Variants in TLN2 observed in about 807,000 individuals in gnomAD.
TLN2 encodes talin-2.
Under a neutral mutation model 294.7 loss-of-function variants are expected in TLN2, and 118 were observed. That is an observed-to-expected ratio of 0.40 (90% CI 0.34 to 0.47). TLN2 has a LOEUF of 0.47. Among genes scored for constraint, TLN2 ranks in the 20% least tolerant of loss-of-function variants. The pLI is 0.84. For synonymous variants in TLN2, 1,431 were observed against 1,304.5 expected (o/e 1.10, Z -2.09); for missense variants, 3,083 against 3,282.2 (o/e 0.94, Z 1.48).
At chr15:62,812,431 G>C (rs1041279588) in intron 52 of TLN2, among the ~76,000 whole-genome samples, 6 of 152,144 alleles carry the variant, frequency 3.9e-5, no homozygotes, top group African/African-American at 1.4e-4. Flanking sequence ...TCACTGTGTG[G>C]GGTCTGCCTG....
At chr15:62,413,574 T>C (rs534436779) in intron 1 of TLN2, among the ~76,000 whole-genome samples, 28 of 152,348 alleles carry the variant, frequency 1.8e-4, no homozygotes, top group Non-Finnish European at 4.1e-4. Context: ...GGAAAACCTC[T>C]GCACTGTAAG....
chr15:62,770,970 C>G lies in TLN2; in HGVS notation c.5203C>G (p.Gln1735Glu). 1 of 1,568,954 alleles carries G rather than the reference C, an allele frequency of 6.4e-7. No homozygotes were observed. The highest frequency in any genetic ancestry group is 8.6e-7 in the Non-Finnish European group (1 of 1,163,810). The change falls in exon 42 of 59, where the codon CAA (glutamine) becomes GAA (glutamate). Residue 1735 changes from glutamine (Q) to glutamate (E), a missense_variant. Transcript: ENST00000636159. The stretch of plus-strand genomic sequence containing the variant: ...TTTTTTTTTTTTTTGAAAGGTGACA[C>G]AACTGGCAAGCTATTTTGAGCCCTT... ...EAAQLGHKVT[Q>E]LASYFEPLIL...
chr15:62,693,789 A>G (rs2058103344), intron 13 of TLN2, among the ~76,000 whole-genome samples: 1 of 152,100 alleles, frequency 6.6e-6, no homozygotes, highest in Non-Finnish European at 1.5e-5. Flanking sequence ...ACATCTAACT[A>G]TATATTAAAT....
chr15:62,638,345 T>A, intron 3 of TLN2: 1 of 358,386 alleles, frequency 2.8e-6, no homozygotes, highest in Non-Finnish European at 5.5e-6. Flanking sequence ...ATGACAGTGA[T>A]AGGCAGCAAA....
chr15:62,694,716 C>T (rs529476368), intron 14 of TLN2, among the ~76,000 whole-genome samples: 1 of 152,094 alleles, frequency 6.6e-6, no homozygotes, highest in Non-Finnish European at 1.5e-5. Flanking sequence ...TGAGCCGTAC[C>T]GTCAGGAGGT....
At chr15:62,458,673 G>A (rs1262122511) in intron 1 of TLN2, among the ~76,000 whole-genome samples, 3 of 151,642 alleles carry the variant, frequency 2.0e-5, no homozygotes, top group African/African-American at 7.3e-5. Flanking sequence ...GGAGGCTGAG[G>A]TGGGAGGGTC....
At chr15:62,496,913 C>G (rs1481202838) in intron 1 of TLN2, among the ~76,000 whole-genome samples, 1 of 152,086 alleles carries the variant, frequency 6.6e-6, no homozygotes. Flanking sequence ...TTGTGTTCTG[C>G]CTTTATTGCA....
intron 11 of TLN2, among the ~76,000 whole-genome samples, 175 bp downstream of exon 11, chr15:62,675,496 G>A (rs1353382851): frequency 6.6e-6 from 1 of 152,230 alleles, no homozygotes; most frequent in African/African-American, 2.4e-5. Flanking sequence ...GGTATGACCT[G>A]CAGGCTGGTG....
intron 28 of TLN2, among the ~76,000 whole-genome samples, chr15:62,732,977 A>G (rs990777224): frequency 2.0e-5 from 3 of 152,144 alleles, no homozygotes; most frequent in African/African-American, 7.2e-5. Flanking sequence ...TGGCTCTGAA[A>G]CTCAGTAGAG....
intron 37 of TLN2, 108 bp downstream of exon 37, chr15:62,755,801 C>CT: frequency 1.4e-6 from 2 of 1,387,290 alleles, no homozygotes; most frequent in Non-Finnish European, 2.0e-6. Context: ...TGAAGCTTAA[C>CT]TTCTAATTCA....
chr15:62,493,479 T>C (rs574411287), intron 1 of TLN2, among the ~76,000 whole-genome samples: 1 of 151,976 alleles, frequency 6.6e-6, no homozygotes, highest in East Asian at 1.9e-4. Flanking sequence ...TACAATTGAG[T>C]ATAGGATGGG....
At chr15:62,822,091 T>G (rs1247493411) in intron 54 of TLN2, among the ~76,000 whole-genome samples, 1 of 152,208 alleles carries the variant, frequency 6.6e-6, no homozygotes, top group African/African-American at 2.4e-5. Flanking sequence ...AGCTCCTGTT[T>G]CAATGTCTTT....
chr15:62,677,220 A>G (rs1340010326), intron 11 of TLN2, among the ~76,000 whole-genome samples: 3 of 152,262 alleles, frequency 2.0e-5, no homozygotes, highest in African/African-American at 4.8e-5. Flanking sequence ...AATGCCTTGC[A>G]GGGACAAAGA....
At chr15:62,707,303 A>T in intron 20 of TLN2, 50 bp downstream of exon 20, 1 of 1,528,712 alleles carries the variant, frequency 6.5e-7, no homozygotes, top group Non-Finnish European at 8.8e-7. Context: ...ACCTGCTGTT[A>T]CCTGCCTCCA....
At chr15:62,577,976 G>T (rs1438606105) in intron 1 of TLN2, among the ~76,000 whole-genome samples, 1 of 152,110 alleles carries the variant, frequency 6.6e-6, no homozygotes, top group Non-Finnish European at 1.5e-5. Context: ...AGTTTGCTGA[G>T]AATGATGGTT....
chr15:62,569,545 C>T (rs1353458812), intron 1 of TLN2, among the ~76,000 whole-genome samples: 1 of 152,186 alleles, frequency 6.6e-6, no homozygotes, highest in Admixed American at 6.5e-5. Context: ...ACTCTGCTAC[C>T]CAGACTTTCT....
intron 28 of TLN2, among the ~76,000 whole-genome samples, chr15:62,727,518 A>G (rs925608864): frequency 3.3e-5 from 5 of 152,390 alleles, no homozygotes; most frequent in Admixed American, 3.3e-4. Context: ...AGAGATGACA[A>G]CAAATAAGAT....
chr15:62,551,848 A>G (rs999894628), intron 1 of TLN2, among the ~76,000 whole-genome samples: 6 of 152,236 alleles, frequency 3.9e-5, no homozygotes, highest in Non-Finnish European at 7.3e-5. Flanking sequence ...CATTGAATTC[A>G]TTAGTTAAGT....
At chr15:62,826,562 C>G (rs937416) in intron 54 of TLN2, among the ~76,000 whole-genome samples, 132,934 of 152,166 alleles carry the variant, frequency 0.87, 59,890 homozygotes, top group East Asian at 1. Flanking sequence ...ATAAAGGTGG[C>G]AGTCCTGAAG....
Sources: gnomAD v4.1 joint callset for allele counts (sites outside exome capture counted in the v4.1 genomes callset) on GRCh38, gnomAD v4.1.1 for gene constraint, MANE v1.5 for transcripts, NCBI Gene and HGNC (gene_info 2026-07-23, HGNC 2026-07-21) for gene names.